Variants in CORO7 observed in about 807,000 individuals in gnomAD.
CORO7 encodes coronin 7.
A neutral mutation model predicts 126.6 loss-of-function variants in CORO7; 107 were observed. The ratio of observed to expected loss-of-function variants is 0.85; its 90% CI spans 0.72 to 0.99. CORO7 has a LOEUF of 0.99. Among genes scored for constraint, CORO7 ranks in the 50% least tolerant of loss-of-function variants. CORO7 has a pLI of 0.00. For missense variants in CORO7, 1,314 were observed against 1,255.8 expected, an observed-to-expected ratio of 1.05 and a Z score of -0.70; for synonymous variants, 603 against 536.8, an observed-to-expected ratio of 1.12 and a Z score of -1.70.
intron 9 of CORO7, among the ~76,000 whole-genome samples, chr16:4,379,115 C>A (rs906987099): frequency 6.6e-6 from 1 of 152,056 alleles, no homozygotes; most frequent in African/African-American, 2.4e-5. Flanking sequence ...GCCCTATGGA[C>A]GGGTCCCCCC....
chr16:4,410,108 C>T (rs1185164391), intron 3 of CORO7, among the ~76,000 whole-genome samples: 1 of 152,088 alleles, frequency 6.6e-6, no homozygotes, highest in African/African-American at 2.4e-5. Flanking sequence ...GGCTAGCTCC[C>T]TCATAGATAA....
chr16:4,376,462 C>G (rs112000476), intron 9 of CORO7, among the ~76,000 whole-genome samples: 1 of 152,178 alleles, frequency 6.6e-6, no homozygotes, highest in Non-Finnish European at 1.5e-5. Context: ...CTGAAGCATA[C>G]GGCACAGGAG....
At chr16:4,387,831 G>A in intron 9 of CORO7, 155 bp downstream of exon 9, 2 of 900,502 alleles carry the variant, frequency 2.2e-6, no homozygotes, top group Non-Finnish European at 1.7e-6. Context: ...GGGGTACAGG[G>A]CCAGGTGTCT....
At chr16:4,366,296 C>T (rs896287662) in intron 9 of CORO7, among the ~76,000 whole-genome samples, 10 of 152,164 alleles carry the variant, frequency 6.6e-5, no homozygotes, top group African/African-American at 2.2e-4. Context: ...GTGGGCGGGC[C>T]GGAAGCCCCC....
chr16:4,387,125 G>T (rs553704065), intron 9 of CORO7, among the ~76,000 whole-genome samples: 55 of 152,284 alleles, frequency 3.6e-4, no homozygotes, highest in Non-Finnish European at 6.0e-4. Flanking sequence ...TTCAGAAGGC[G>T]GATGGAGTCC....
chr16:4,388,552 A>G lies in CORO7; in HGVS notation c.695T>C (p.Phe232Ser). ...CCAGGAGGAACCCCCTACCTGGTTG[A>G]ATCCAGTAGACACAAGGTGCTCCCA... ...GTWEHLVSTGFNQMREREVKL... is the reference protein window; with the variant it reads ...GTWEHLVSTGSNQMREREVKL... The change falls in exon 8 of 28, where the codon TTC (phenylalanine) becomes TCC (serine). Residue 232 changes from phenylalanine (F) to serine (S), a missense_variant. By Grantham distance (155) the Phe-to-Ser change is radical. Transcript: ENST00000251166. 6.2e-7 allele frequency: 1 copy of G among 1,612,488 alleles called. No individual in the cohort carries two copies. The highest frequency in any genetic ancestry group is 8.5e-7 in the Non-Finnish European group (1 of 1,179,684).
At chr16:4,374,918 C>A (rs1157893649) in intron 9 of CORO7, among the ~76,000 whole-genome samples, 1 of 152,068 alleles carries the variant, frequency 6.6e-6, no homozygotes, top group East Asian at 1.9e-4. Context: ...TAGGGCCTTA[C>A]TAGATGGGTG....
chr16:4,358,297 A>G (rs751171198), intron 24 of CORO7, 70 bp downstream of exon 24: 19 of 1,568,372 alleles, frequency 1.2e-5, no homozygotes, highest in Non-Finnish European at 1.6e-5. Flanking sequence ...GCTGGGTCAG[A>G]CGGGACCCAA....
chr16:4,365,492 T>G lies in CORO7; in HGVS notation c.839A>C (p.Lys280Thr), dbSNP rs1223301775. 6.4e-7 allele frequency: 1 copy of G among 1,569,578 alleles called. No homozygotes were observed. Among genetic ancestry groups the G allele is most frequent in the South Asian group, 1.2e-5 (1 of 85,096 alleles). Residue 280 changes from lysine (K) to threonine (T), a missense_variant and splice_region_variant, in exon 10 of 28, where the codon AAG (lysine) becomes ACG (threonine). Lys to Thr is a moderately conservative substitution (Grantham distance 78). Transcript: ENST00000251166. ...PDSGLLVLAG[K>T]GERQLYCYEV... ...TGGGAGCCCCAGCTTCTCACTCACCTTTCCTGCCAGGACCAGGAGCCCAGA... is the reference window on the plus strand; with the variant it reads ...TGGGAGCCCCAGCTTCTCACTCACCGTTCCTGCCAGGACCAGGAGCCCAGA...
chr16:4,364,471 C>T, intron 13 of CORO7, 58 bp from the exon 14 acceptor site: 1 of 1,477,406 alleles, frequency 6.8e-7, no homozygotes, highest in Non-Finnish European at 9.0e-7. Flanking sequence ...CAGGAGGGCC[C>T]CCATGGGAGG....
chr16:4,365,611 G>C, intron 9 of CORO7, 66 bp from the exon 10 acceptor site: 1 of 1,546,070 alleles, frequency 6.5e-7, no homozygotes. Context: ...GTAACCCCAT[G>C]TAGGAGCCCA....
intron 9 of CORO7, among the ~76,000 whole-genome samples, chr16:4,370,546 C>G (rs2054488186): frequency 6.6e-6 from 1 of 152,246 alleles, no homozygotes; most frequent in Non-Finnish European, 1.5e-5. Flanking sequence ...CCAGCCCCAA[C>G]CCAGGAACAG....
At chr16:4,408,464 C>G (rs949271186) in intron 3 of CORO7, among the ~76,000 whole-genome samples, 7 of 152,212 alleles carry the variant, frequency 4.6e-5, no homozygotes, top group African/African-American at 1.7e-4. Context: ...TGGCCAAGGG[C>G]TCTGGCATCA....
In CORO7 at chr16:4,362,867, C is replaced by T. The variant is rs740375; in HGVS notation, c.1276-129G>A. The T allele has an allele frequency of 8.7e-7, 1 of 1,155,922 alleles. No homozygotes were observed. The highest frequency in any genetic ancestry group is 3.5e-5 in the South Asian group (1 of 28,954). The allele number at this position is 1,155,922 out of a possible 1,614,324, so 71.6% of individuals were successfully genotyped here. A position where few individuals can be genotyped will look rare whatever the true frequency, so the allele number is the denominator to read the frequency against. On this transcript the variant is annotated intron_variant, in intron 14 of 27. Transcript: ENST00000251166. This position sits in a 1 kb window ranked among gnomAD's most constrained non-coding sequence, Gnocchi z 5.3. ...TGGAGGAGCCCCCACTGTGGGCATG[C>T]GACAGGAGCGGCGGGGGGCACGGGC...
chr16:4,359,398 A>G lies in CORO7; in HGVS notation c.2251-13T>C. The G allele has an allele frequency of 6.2e-7, 1 of 1,613,622 alleles. No homozygotes were observed. The highest frequency in any genetic ancestry group is 8.5e-7 in the Non-Finnish European group (1 of 1,179,966). On this transcript the variant is annotated splice_polypyrimidine_tract_variant and intron_variant, in intron 22 of 27. Transcript: ENST00000251166. ...CACGGGTGTCGCCCTGCGGGGAAGA[A>G]GGCAGGCTGGGAACCCTCCGGCAAC...
chr16:4,407,814 A>G, intron 4 of CORO7, 130 bp from the exon 5 acceptor site: 2 of 1,189,950 alleles, frequency 1.7e-6, no homozygotes, highest in South Asian at 3.2e-5. Context: ...TGGCCTTGGG[A>G]GGAGCGCCCA....
At chr16:4,367,751 C>T (rs911984111) in intron 9 of CORO7, among the ~76,000 whole-genome samples, 2 of 152,080 alleles carry the variant, frequency 1.3e-5, no homozygotes, top group African/African-American at 4.8e-5. Flanking sequence ...ACAAGATGGA[C>T]AATGTGCCTG....
chr16:4,364,667 A>T lies in CORO7; in HGVS notation c.1067T>A (p.Leu356Gln). Reference sequence around the variant, plus strand: ...CACACAGCCGGCAGTGTCCGGGAACAGGTCCTCGTGGAACTCCACAGCCTG... The same window carrying T: ...CACACAGCCGGCAGTGTCCGGGAACTGGTCCTCGTGGAACTCCACAGCCTG... The part of the protein sequence containing the change: ...PRKAVEFHED[L>Q]FPDTAGCVPA... The change falls in exon 13 of 28, where the codon CTG becomes CAG. Residue 356 changes from leucine (L) to glutamine (Q), a missense_variant. By Grantham distance (113) the Leu-to-Gln change is moderately radical. Transcript: ENST00000251166. The T allele has an allele frequency of 6.3e-7, 1 of 1,582,774 alleles. No homozygotes were observed. The highest frequency in any genetic ancestry group is 2.3e-5 in the East Asian group (1 of 43,554).
chr16:4,382,641 C>A, intron 9 of CORO7: 1 of 1,559,320 alleles, frequency 6.4e-7, no homozygotes, highest in Non-Finnish European at 8.7e-7. Context: ...TGCTCCTGGC[C>A]GCGCTGGCTG....
Sources: allele counts gnomAD v4.1 joint callset (sites outside exome capture counted in the v4.1 genomes callset), GRCh38; gene constraint gnomAD v4.1.1; non-coding constraint Gnocchi (gnomAD v3.1); transcripts MANE v1.5; gene names NCBI Gene and HGNC (gene_info 2026-07-23, HGNC 2026-07-21).